The following ACAD11 variants were observed in gnomAD, a reference collection of about 807,000 sequenced individuals.
ACAD11 encodes the protein acyl-Coenzyme A dehydrogenase family, member 11.
Under a neutral mutation model 102.2 loss-of-function variants are expected in ACAD11, and 83 were observed. That is an observed-to-expected ratio of 0.81 (90% CI 0.68 to 0.97). The LOEUF (loss-of-function observed/expected upper bound fraction) is 0.97, where lower values mean the gene tolerates loss of function less well. ACAD11 is among the 50% of genes least tolerant of loss of function. The pLI, the probability that ACAD11 is intolerant of heterozygous loss-of-function variation, is 0.00. For synonymous variants in ACAD11, 324 were observed against 319.8 expected (o/e 1.01, Z -0.14); for missense variants, 901 against 951.7 (o/e 0.95, Z 0.70).
chr3:132,643,816 G>T (rs1940616614), intron 2 of ACAD11, among the ~76,000 whole-genome samples: 1 of 152,128 alleles, frequency 6.6e-6, no homozygotes, highest in Admixed American at 6.5e-5. Context: ...TCAATGCAGA[G>T]TTGAGAAAAC....
intron 4 of ACAD11, among the ~76,000 whole-genome samples, chr3:132,639,857 T>C (rs1227226306): frequency 6.6e-6 from 1 of 152,138 alleles, no homozygotes. Context: ...AGTTCCATTT[T>C]ACTTACCTAG....
chr3:132,628,375 T>A lies in ACAD11; in HGVS notation c.1035A>T (p.Gln345His). 6.2e-7 allele frequency: 1 copy of A among 1,613,178 alleles called. No individual in the cohort carries two copies. The highest frequency in any genetic ancestry group is 8.5e-7 in the Non-Finnish European group (1 of 1,179,654). ...EDSFLFANIV[Q>H]PLAETGLQLS... ...GTTGTAGTCCAGTTTCTGCCAGAGG[T>A]TGCACAATATTGGCAAATAAAAAGC... Residue 345 changes from glutamine (Q) to histidine (H), a missense_variant, in exon 8 of 20, where the codon CAA (glutamine) becomes CAT (histidine). By Grantham distance (24) the Gln-to-His change is conservative (BLOSUM62 0). Transcript: ENST00000264990.
chr3:132,580,957 GAAAACAGAGA>G (rs1260922844), intron 13 of ACAD11, among the ~76,000 whole-genome samples: 1 of 151,860 alleles, frequency 6.6e-6, no homozygotes, highest in Non-Finnish European at 1.5e-5. Context: ...CAAATAAAGA[GAAAACAGAGA>G]AAAACAGAGG....
intron 9 of ACAD11, among the ~76,000 whole-genome samples, chr3:132,624,690 GCTT>G (rs998626812): frequency 2.7e-5 from 4 of 150,848 alleles, no homozygotes; most frequent in African/African-American, 9.7e-5. Context: ...CAGATCATTT[GCTT>G]TTTTGTCGTT....
chr3:132,559,767 G>T (rs1186422602), intron 19 of ACAD11, 66 bp downstream of exon 19: 1 of 1,241,608 alleles, frequency 8.1e-7, no homozygotes, highest in Non-Finnish European at 1.2e-6. Flanking sequence ...TAATGTCAAG[G>T]CATCTGTAGA....
At chr3:132,642,457 G>T (rs964442143) in intron 3 of ACAD11, among the ~76,000 whole-genome samples, 1 of 152,164 alleles carries the variant, frequency 6.6e-6, no homozygotes, top group African/African-American at 2.4e-5. Flanking sequence ...TTAAGAATAA[G>T]TCAATACCCC....
At chr3:132,659,141 C>T (rs1472346250) in intron 1 of ACAD11, among the ~76,000 whole-genome samples, 7 of 152,196 alleles carry the variant, frequency 4.6e-5, no homozygotes, top group African/African-American at 1.7e-4. Context: ...CAAAGTGGTG[C>T]TGTGACCTCC....
intron 3 of ACAD11, among the ~76,000 whole-genome samples, chr3:132,642,357 A>C (rs1310715805): frequency 6.6e-6 from 1 of 152,180 alleles, no homozygotes; most frequent in Non-Finnish European, 1.5e-5. Flanking sequence ...TAATGGCTTG[A>C]CCTATGTGGA....
At chr3:132,609,252 A>T (rs574744310) in intron 11 of ACAD11, among the ~76,000 whole-genome samples, 4 of 152,250 alleles carry the variant, frequency 2.6e-5, no homozygotes, top group African/African-American at 9.6e-5. Context: ...AAGCCAAACA[A>T]ATTCAAAAGC....
intron 1 of ACAD11, among the ~76,000 whole-genome samples, chr3:132,657,514 T>C (rs1365133062): frequency 6.6e-6 from 1 of 152,192 alleles, no homozygotes; most frequent in Non-Finnish European, 1.5e-5. Context: ...ATAGATCAAC[T>C]GGAAGAAAAA....
chr3:132,653,902 A>C (rs1937641127), intron 1 of ACAD11, among the ~76,000 whole-genome samples: 1 of 152,118 alleles, frequency 6.6e-6, no homozygotes, highest in Non-Finnish European at 1.5e-5. Flanking sequence ...TATGTCTTTA[A>C]ATATCTTCTT....
intron 5 of ACAD11, among the ~76,000 whole-genome samples, chr3:132,638,610 G>A (rs1392217422): frequency 6.6e-6 from 1 of 152,038 alleles, no homozygotes; most frequent in African/African-American, 2.4e-5. Context: ...CAAGTCTAGT[G>A]GGTTCTAATT....
In ACAD11 at chr3:132,649,047, C is replaced by T. The variant is rs187648933; in HGVS notation, c.150-4151G>A. Among the ~76,000 whole-genome samples, 353 of 152,354 alleles carry T rather than the reference C, an allele frequency of 2.3e-3. 1 individual carries two copies. Among genetic ancestry groups the T allele is most frequent in the Non-Finnish European group, 4.0e-3 (273 of 68,030 alleles). ...AGGCAGTATGCTTGGTAAAAGTCATCACCATTCTCCAGTCTCGATAAACCA... is the reference window on the plus strand; with the variant it reads ...AGGCAGTATGCTTGGTAAAAGTCATTACCATTCTCCAGTCTCGATAAACCA... On this transcript the variant is annotated intron_variant, in intron 1 of 19. Transcript: ENST00000264990.
intron 13 of ACAD11, among the ~76,000 whole-genome samples, chr3:132,595,472 G>A (rs1195913877): frequency 6.6e-6 from 1 of 152,094 alleles, no homozygotes; most frequent in African/African-American, 2.4e-5. Flanking sequence ...TTAAACTGAA[G>A]AGCTTCTGCA....
intron 4 of ACAD11, among the ~76,000 whole-genome samples, 193 bp from the exon 5 acceptor site, chr3:132,639,849 T>C (rs1030873063): frequency 9.9e-5 from 15 of 152,198 alleles, no homozygotes; most frequent in South Asian, 6.2e-4. Flanking sequence ...TTCCATATAG[T>C]TCCATTTTAC....
chr3:132,626,839 A>T, intron 8 of ACAD11, 22 bp from the exon 9 acceptor site: 1 of 1,596,242 alleles, frequency 6.3e-7, no homozygotes, highest in Non-Finnish European at 8.5e-7. Context: ...GAAAAAAGGA[A>T]AAAAAGGTTA....
chr3:132,579,354 T>A (rs995896498), intron 14 of ACAD11, 138 bp downstream of exon 14: 3 of 726,584 alleles, frequency 4.1e-6, no homozygotes, highest in Non-Finnish European at 6.6e-6. Context: ...ACTTGTGAAA[T>A]ACAAATATAT....
At chr3:132,641,940 G>GAAA in intron 4 of ACAD11, 32 bp downstream of exon 4, 1 of 1,549,406 alleles carries the variant, frequency 6.5e-7, no homozygotes, top group South Asian at 1.2e-5. Flanking sequence ...ACAAGAACTT[G>GAAA]AAAAAAATAG....
intron 11 of ACAD11, among the ~76,000 whole-genome samples, chr3:132,616,910 C>A (rs1420107904): frequency 6.6e-6 from 1 of 152,178 alleles, no homozygotes; most frequent in African/African-American, 2.4e-5. Flanking sequence ...CAAGTTCAAC[C>A]ATTATCAGAA....
Sources: gnomAD v4.1 joint callset for allele counts (sites outside exome capture counted in the v4.1 genomes callset) on GRCh38, gnomAD v4.1.1 for gene constraint, MANE v1.5 for transcripts, NCBI Gene and HGNC (gene_info 2026-07-23, HGNC 2026-07-21) for gene names.